PCDH1: variants seen among roughly 807,000 people sequenced by gnomAD.
PCDH1 encodes protocadherin-1.
A neutral mutation model predicts 74.6 loss-of-function variants in PCDH1; 23 were observed. The observed-to-expected ratio is 0.31, with a 90% CI of 0.22 to 0.44. The LOEUF (loss-of-function observed/expected upper bound fraction) is 0.44, where lower values mean the gene tolerates loss of function less well. Among genes scored for constraint, PCDH1 ranks in the 20% least tolerant of loss-of-function variants. PCDH1 has a pLI of 1.00. For missense variants in PCDH1, 1,214 were observed against 1,641.4 expected (o/e 0.74, Z 4.50); for synonymous variants, 647 against 686.1 (o/e 0.94, Z 0.89).
intron 3 of PCDH1, among the ~76,000 whole-genome samples, chr5:141,860,652 A>T (rs901408355): frequency 6.6e-5 from 10 of 152,164 alleles, no homozygotes; most frequent in Admixed American, 1.3e-4. Context: ...ATAATAGGTA[A>T]TAGGAGACCC....
rs181172960 is a variant in PCDH1, at chr5:141,877,880, G to C, written c.40+343C>G. On this transcript the variant is annotated intron_variant, in intron 1 of 4. Coordinates refer to ENST00000287008, the MANE Select transcript of PCDH1 (RefSeq NM_032420.5). ...CCTCCGGGAGACCCCCACCAAACTG[G>C]GGGCCGCGCGCTTCCCCAAACCCAT... Among the ~76,000 whole-genome samples, 5 of 152,266 alleles carry C rather than the reference G, an allele frequency of 3.3e-5. No individual in the cohort carries two copies. In the East Asian group the frequency reaches 9.7e-4, roughly 29 times the overall value.
intron 1 of PCDH1, among the ~76,000 whole-genome samples, chr5:141,873,469 C>T (rs1323912784): frequency 4.2e-5 from 6 of 144,082 alleles, no homozygotes; most frequent in Non-Finnish European, 7.5e-5. Context: ...TTTCTTGAGA[C>T]GGAGTCTTGC....
intron 3 of PCDH1, chr5:141,862,944 C>T: frequency 8.1e-7 from 1 of 1,239,146 alleles, no homozygotes; most frequent in Admixed American, 3.9e-5. Flanking sequence ...CCCATAAGGC[C>T]CAGTAGCTGG....
At position 141,868,694 on chromosome 5, in the gene PCDH1, G is replaced by T; in HGVS notation, c.778C>A (p.Arg260Ser). The T allele has an allele frequency of 6.2e-7, 1 of 1,613,846 alleles. No homozygotes were observed. Among genetic ancestry groups the T allele is most frequent in the Non-Finnish European group, 8.5e-7 (1 of 1,179,808 alleles). Residue 260 changes from arginine to serine, a missense_variant, in exon 2 of 5, where the codon CGC becomes AGC. Arg to Ser is a moderately radical substitution (Grantham distance 110). This residue lies in a region of PCDH1 where 836 missense variants were observed against 1,182.2 expected (regional missense o/e 0.71). Coordinates refer to ENST00000287008, the MANE Select transcript of PCDH1 (RefSeq NM_032420.5). The surrounding 1 kb of genome is among the most constrained non-coding windows in gnomAD (Gnocchi z 4.8). Reference protein sequence around the residue: ...IKVQDGGSPPRASSALLRVTV... With the variant: ...IKVQDGGSPPSASSALLRVTV... Reference sequence around the variant, plus strand: ...ACACGCAGCAGGGCACTGCTGGCGCGTGGGGGGCTGCCGCCATCCTGCACC... The same window carrying T: ...ACACGCAGCAGGGCACTGCTGGCGCTTGGGGGGCTGCCGCCATCCTGCACC...
chr5:141,863,591 T>G lies in PCDH1; in HGVS notation c.2740A>C (p.Lys914Gln). 1 of 1,614,220 alleles carries G rather than the reference T, an allele frequency of 6.2e-7. No individual in the cohort carries two copies. Among genetic ancestry groups the G allele is most frequent in the Non-Finnish European group, 8.5e-7 (1 of 1,180,038 alleles). The change falls in exon 3 of 5, where the codon AAG (lysine) becomes CAG (glutamine). Residue 914 changes from lysine (K) to glutamine (Q), a missense_variant. Transcript: ENST00000287008. This position sits in a 1 kb window ranked among gnomAD's most constrained non-coding sequence, Gnocchi z 7.5. ...ACGGGCTTTGGGGACTTGCTCTTCT[T>G]GCCTTTGCTTTTGTTTCCCTTGGAG... is the stretch of plus-strand genomic sequence containing the variant. ...KASKGNKSKG[K>Q]KSKSPKPVKP...
intron 1 of PCDH1, among the ~76,000 whole-genome samples, chr5:141,875,619 TAAG>T (rs1408819453): frequency 6.6e-6 from 1 of 151,904 alleles, no homozygotes; most frequent in Non-Finnish European, 1.5e-5. Flanking sequence ...GCCCCTCTGC[TAAG>T]AAGATGGCAG....
intron 4 of PCDH1, 143 bp downstream of exon 4, chr5:141,857,109 G>A (rs1015146549): frequency 3.7e-5 from 24 of 640,738 alleles, no homozygotes; most frequent in Admixed American, 6.6e-5. Flanking sequence ...GATTAAATGC[G>A]TGTATACCTG....
rs1364780623 is a variant in PCDH1, at chr5:141,864,642, C to T, written c.1689G>A (p.Glu563=). Residue 563 remains glutamate (E), a synonymous_variant, in exon 3 of 5, where the codon GAG becomes GAA. Coordinates refer to ENST00000287008, the MANE Select transcript of PCDH1 (RefSeq NM_032420.5). This position sits in a 1 kb window ranked among gnomAD's most constrained non-coding sequence, Gnocchi z 5.9. ...GLFTISPETG[E]IQVKTSLDRE... is the part of the protein sequence containing the mutation. ...GATCCAGAGATGTCTTCACCTGGATCTCTCCAGTCTCGGGTGAGATGGTGA... is the reference window on the plus strand; with the variant it reads ...GATCCAGAGATGTCTTCACCTGGATTTCTCCAGTCTCGGGTGAGATGGTGA... 6.2e-7 allele frequency: 1 copy of T among 1,613,628 alleles called. No homozygotes were observed. The highest frequency in any genetic ancestry group is 8.5e-7 in the Non-Finnish European group (1 of 1,180,040).
Sources: gnomAD v4.1 joint callset for allele counts (sites outside exome capture counted in the v4.1 genomes callset) on GRCh38, gnomAD v4.1.1 for gene constraint, gnomAD v4.1.1 regional missense constraint, Gnocchi (gnomAD v3.1) non-coding constraint, MANE v1.5 for transcripts, NCBI Gene and HGNC (gene_info 2026-07-23, HGNC 2026-07-21) for gene names.